ZNF100: variants seen among roughly 807,000 people sequenced by gnomAD.
ZNF100 encodes zinc finger protein 100 (Y1).
A neutral mutation model predicts 15.8 loss-of-function variants in ZNF100; 12 were observed. That is an observed-to-expected ratio of 0.76 (90% confidence interval 0.49 to 1.23). The LOEUF (loss-of-function observed/expected upper bound fraction) is 1.23, where lower values mean the gene tolerates loss of function less well. Among genes scored for constraint, ZNF100 ranks in the 50% most tolerant of loss-of-function variants. The pLI, the probability that ZNF100 is intolerant of heterozygous loss-of-function variation, is 0.00. For synonymous variants in ZNF100, 226 were observed against 214.8 expected, an observed-to-expected ratio of 1.05 and a Z score of -0.45; for missense variants, 670 against 635.6, an observed-to-expected ratio of 1.05 and a Z score of -0.58.
intron 4 of ZNF100, among the ~76,000 whole-genome samples, chr19:21,740,559 A>T (rs890228712): frequency 3.3e-5 from 5 of 152,112 alleles, no homozygotes; most frequent in African/African-American, 7.2e-5. Flanking sequence ...CACATGTGAT[A>T]AGAGTTAATA....
Position 21,745,562 on chromosome 19 carries a change from C to G in ZNF100, c.97-495G>C, listed in dbSNP as rs189453727. Reference sequence around the variant, plus strand: ...ACGGAGTCTCGCTCTGTCGCCCAGGCCGGACTGCGGACTGCAGTGGCGCAA... The same window carrying G: ...ACGGAGTCTCGCTCTGTCGCCCAGGGCGGACTGCGGACTGCAGTGGCGCAA... On this transcript the variant is annotated intron_variant, in intron 2 of 4. Coordinates refer to ENST00000358296, the MANE Select transcript of ZNF100 (RefSeq NM_173531.4). Among the ~76,000 whole-genome samples the G allele has an allele frequency of 1.3e-4, 19 of 151,556 alleles. 1 individual carries two copies. In the South Asian group the frequency reaches 1.5e-3, roughly 12 times the overall value.
At chr19:21,758,114 A>C (rs975173260) in intron 2 of ZNF100, among the ~76,000 whole-genome samples, 2 of 152,156 alleles carry the variant, frequency 1.3e-5, no homozygotes, top group South Asian at 2.1e-4. Context: ...CATAAAACAA[A>C]CACCACCAAG....
chr19:21,739,356 G>A (rs1166530365), intron 4 of ZNF100, among the ~76,000 whole-genome samples: 2 of 152,182 alleles, frequency 1.3e-5, no homozygotes, highest in African/African-American at 2.4e-5. Flanking sequence ...ACAAGTATAA[G>A]ACCAGTGTCA....
At chr19:21,745,480 A>T (rs1451162636) in intron 2 of ZNF100, among the ~76,000 whole-genome samples, 1 of 152,038 alleles carries the variant, frequency 6.6e-6, no homozygotes, top group Non-Finnish European at 1.5e-5. Context: ...TTTTTTTCAG[A>T]AGATCTGGAA....
chr19:21,730,770 A>C (rs898157847), intron 4 of ZNF100, among the ~76,000 whole-genome samples: 4 of 152,176 alleles, frequency 2.6e-5, no homozygotes, highest in African/African-American at 4.8e-5. Flanking sequence ...AAGTCTTAAC[A>C]CATTTGTTAA....
rs114173131 is a variant in ZNF100, at chr19:21,749,674, C to T, written c.97-4607G>A. ...CTTGATCTCTCACTCTTAAGATGCT[C>T]GTTTACACTTACAGATTCTGTCATC... On this transcript the variant is annotated intron_variant, in intron 2 of 4. Transcript: ENST00000358296. Among the ~76,000 whole-genome samples the T allele has an allele frequency of 6.6e-3, 1,003 of 152,154 alleles. 14 individuals are homozygous for T. Among genetic ancestry groups the T allele is most frequent in the African/African-American group, 0.023 (948 of 41,522 alleles).
rs74174038 is a variant in ZNF100 at position 21,740,485 on chromosome 19, G to GA, written c.322+3531dup. Reference sequence around the variant, plus strand: ...GCTACTTCAAAATTTATCCACATTAGAAAAAAAAAACATTCAACTGTGTAA... The same window carrying GA: ...GCTACTTCAAAATTTATCCACATTAGAAAAAAAAAAACATTCAACTGTGTAA... On this transcript the variant is annotated intron_variant, in intron 4 of 4. Transcript: ENST00000358296. 2.0e-3 allele frequency among the ~76,000 whole-genome samples: 294 copies of GA among 147,288 alleles called. 1 individual carries two copies. Among genetic ancestry groups the GA allele is most frequent in the African/African-American group, 6.5e-3 (262 of 40,264 alleles).
At chr19:21,730,968 A>C (rs1049396480) in intron 4 of ZNF100, among the ~76,000 whole-genome samples, 14 of 152,196 alleles carry the variant, frequency 9.2e-5, no homozygotes, top group Non-Finnish European at 1.6e-4. Flanking sequence ...ATTTAGTGCA[A>C]TGTTGTTAAA....
At chr19:21,732,734 G>T (rs2035941785) in intron 4 of ZNF100, among the ~76,000 whole-genome samples, 1 of 151,646 alleles carries the variant, frequency 6.6e-6, no homozygotes, top group Non-Finnish European at 1.5e-5. Context: ...ATGAATCTTA[G>T]AAGAATATAG....
chr19:21,751,885 T>C (rs1028344244), intron 2 of ZNF100: 7 of 661,792 alleles, frequency 1.1e-5, no homozygotes, highest in African/African-American at 9.0e-5. Context: ...ATCAACTTCA[T>C]TGGTATTCAG....
In ZNF100 at chr19:21,724,986, G is replaced by C. The variant is rs1368066439; in HGVS notation, c.*1697C>G. 2.0e-5 allele frequency: 3 copies of C among 152,200 alleles called. No homozygotes were observed. The highest frequency in any genetic ancestry group is 4.4e-5 in the Non-Finnish European group (3 of 68,050). The allele number at this position is 152,200 out of a possible 1,614,324, so 9.4% of individuals were successfully genotyped here. ...GAATTGCGTGAACCCAGGAGGTGGAGGTTACAGTGAGCCGAGATCGTGCCA... is the reference window on the plus strand; with the variant it reads ...GAATTGCGTGAACCCAGGAGGTGGACGTTACAGTGAGCCGAGATCGTGCCA... On this transcript the variant is annotated 3_prime_UTR_variant, in exon 5 of 5. Transcript: ENST00000358296.
At chr19:21,751,728 T>C (rs1426931684) in intron 2 of ZNF100, 2 of 1,252,504 alleles carry the variant, frequency 1.6e-6, no homozygotes, top group Non-Finnish European at 2.3e-6. Flanking sequence ...AAACACTACC[T>C]TGACCATCGC....
chr19:21,730,854 T>C (rs1161279853), intron 4 of ZNF100, among the ~76,000 whole-genome samples: 3 of 151,490 alleles, frequency 2.0e-5, no homozygotes, highest in Admixed American at 6.6e-5. Context: ...CAATTAAACA[T>C]TTACAAATAT....
chr19:21,745,149 G>A (rs1262078168), intron 2 of ZNF100, 82 bp from the exon 3 acceptor site: 3 of 1,531,990 alleles, frequency 2.0e-6, no homozygotes, highest in Non-Finnish European at 2.6e-6. Flanking sequence ...AAAATGAAAT[G>A]ACAGAGCAAA....
At chr19:21,766,501 GTTAA>G (rs2036564831) in intron 1 of ZNF100, among the ~76,000 whole-genome samples, 2 of 150,370 alleles carry the variant, frequency 1.3e-5, no homozygotes, top group Non-Finnish European at 3.0e-5. Flanking sequence ...ACTATAAACT[GTTAA>G]TTAACCTCTG....
intron 2 of ZNF100, among the ~76,000 whole-genome samples, chr19:21,745,282 A>G (rs1371298829): frequency 6.6e-6 from 1 of 152,252 alleles, no homozygotes; most frequent in Non-Finnish European, 1.5e-5. Flanking sequence ...ACACCAGTGT[A>G]TATATGACAC....
intron 2 of ZNF100, among the ~76,000 whole-genome samples, chr19:21,748,185 T>G (rs1333468943): frequency 6.6e-6 from 1 of 152,200 alleles, no homozygotes; most frequent in Non-Finnish European, 1.5e-5. Flanking sequence ...TTAAAATGTA[T>G]AGTTTATTTT....
intron 2 of ZNF100, chr19:21,752,974 G>T (rs2036334946): frequency 6.6e-6 from 1 of 152,206 alleles, no homozygotes; most frequent in African/African-American, 2.4e-5. Flanking sequence ...ACGAGTGGCT[G>T]GGACTGCAGG....
chr19:21,754,880 T>C (rs1231255680), intron 2 of ZNF100, among the ~76,000 whole-genome samples: 1 of 152,166 alleles, frequency 6.6e-6, no homozygotes, highest in Non-Finnish European at 1.5e-5. Context: ...GAGAAAATTT[T>C]TGCAACCTAC....
Sources: gnomAD v4.1 joint callset for allele counts (sites outside exome capture counted in the v4.1 genomes callset) on GRCh38, gnomAD v4.1.1 for gene constraint, MANE v1.5 for transcripts, NCBI Gene and HGNC (gene_info 2026-07-23, HGNC 2026-07-21) for gene names.